The following ACOXL variants were observed in gnomAD, a reference collection of about 807,000 sequenced individuals.
ACOXL encodes the protein acyl-CoA oxidase like.
In ACOXL, 70 loss-of-function variants were observed where a neutral mutation model predicts 71.9. That is an observed-to-expected ratio of 0.97 (90% CI 0.80 to 1.19). The LOEUF (loss-of-function observed/expected upper bound fraction) is 1.19. ACOXL is among the 50% of genes most tolerant of loss of function. The pLI, the probability that ACOXL is intolerant of heterozygous loss-of-function variation, is 0.00. For synonymous variants in ACOXL, 253 were observed against 281.6 expected, an observed-to-expected ratio of 0.90 and a Z score of 1.02; for missense variants, 703 against 736.3, an observed-to-expected ratio of 0.95 and a Z score of 0.52.
chr2:110,957,543 C>T (rs1450156182), intron 12 of ACOXL, among the ~76,000 whole-genome samples: 2 of 152,302 alleles, frequency 1.3e-5, no homozygotes, highest in East Asian at 3.9e-4. Flanking sequence ...TTGGTCTCTT[C>T]TGAGGCTCTC....
chr2:111,075,995 A>G (rs2067582854), intron 16 of ACOXL, among the ~76,000 whole-genome samples: 1 of 152,082 alleles, frequency 6.6e-6, no homozygotes, highest in Non-Finnish European at 1.5e-5. Context: ...TACCCAGGAT[A>G]TGGTCTATCT....
chr2:110,886,590 G>T (rs1394052520), intron 10 of ACOXL, among the ~76,000 whole-genome samples: 2 of 151,916 alleles, frequency 1.3e-5, no homozygotes, highest in Non-Finnish European at 2.9e-5. Context: ...TGTTGGCCAG[G>T]CTGGTCTTGA....
At chr2:110,827,291 C>T (rs960172089) in intron 9 of ACOXL, among the ~76,000 whole-genome samples, 1 of 152,146 alleles carries the variant, frequency 6.6e-6, no homozygotes, top group Non-Finnish European at 1.5e-5. Context: ...CAGGGTGGGG[C>T]ATGGGCTCTC....
At chr2:110,735,315 T>C (rs900688969) in intron 1 of ACOXL, among the ~76,000 whole-genome samples, 12 of 152,354 alleles carry the variant, frequency 7.9e-5, no homozygotes, top group East Asian at 1.9e-4. Flanking sequence ...AACTTCCTCC[T>C]CTCTGAGGCA....
chr2:111,117,715 T>G lies in ACOXL; in HGVS notation c.1642T>G (p.Ser548Ala). The G allele has an allele frequency of 6.4e-7, 1 of 1,551,690 alleles. No individual in the cohort carries two copies. Among genetic ancestry groups the G allele is most frequent in the Non-Finnish European group, 8.7e-7 (1 of 1,147,004 alleles). The change falls in exon 18 of 18, where the codon TCC becomes GCC. Residue 548 changes from serine (S) to alanine (A), a missense_variant. Transcript: ENST00000439055. ...CCTCCACGCACCAATCGCCGGAATCTCCAACCCGCGGGCCGCGTGGGCTTT... is the reference window on the plus strand; with the variant it reads ...CCTCCACGCACCAATCGCCGGAATCGCCAACCCGCGGGCCGCGTGGGCTTT... ...TYLHAPIAGI[S>A]NPRAAWAFYP...
At chr2:110,809,196 G>A (rs974301433) in intron 9 of ACOXL, among the ~76,000 whole-genome samples, 5 of 152,210 alleles carry the variant, frequency 3.3e-5, no homozygotes, top group African/African-American at 1.2e-4. Context: ...CTTCCTCTCT[G>A]TCGCAGACAC....
intron 13 of ACOXL, among the ~76,000 whole-genome samples, chr2:110,995,598 A>G (rs1030095246): frequency 6.6e-6 from 1 of 151,690 alleles, no homozygotes; most frequent in African/African-American, 2.4e-5. Context: ...CTGTTAACTA[A>G]GAAAGACTAT....
At chr2:110,733,755 G>A (rs947590239) in intron 1 of ACOXL, among the ~76,000 whole-genome samples, 2 of 151,990 alleles carry the variant, frequency 1.3e-5, no homozygotes, top group Non-Finnish European at 2.9e-5. Context: ...GAGAAGTGTG[G>A]GATGGTGGGT....
chr2:111,045,775 T>C (rs999643459), intron 15 of ACOXL, among the ~76,000 whole-genome samples: 1 of 152,198 alleles, frequency 6.6e-6, no homozygotes, highest in African/African-American at 2.4e-5. Context: ...AGGTGCATGC[T>C]GCTTTTGTTG....
At chr2:111,021,763 C>T (rs2064771232) in intron 14 of ACOXL, among the ~76,000 whole-genome samples, 1 of 151,866 alleles carries the variant, frequency 6.6e-6, no homozygotes, top group Non-Finnish European at 1.5e-5. Flanking sequence ...GAAGTTGAGA[C>T]ACTTGAATTA....
At position 110,799,017 on chromosome 2, in the gene ACOXL, C is replaced by A. The variant is rs761569880; in HGVS notation, c.464C>A (p.Pro155His). ...ATGATCTCGATGCCTTCCTTAGGGC[C>A]CCACTGTTTCATCGTTCCTGTCCGG... Reference protein sequence around the residue: ...QLIIDGRSQGPHCFIVPVRDE... With the variant: ...QLIIDGRSQGHHCFIVPVRDE... The change falls in exon 7 of 18, where the codon CCC (proline) becomes CAC (histidine). Residue 155 changes from proline to histidine, a missense_variant. Coordinates refer to ENST00000439055, the MANE Select transcript of ACOXL (RefSeq NM_001142807.4). The A allele has an allele frequency of 6.2e-7, 1 of 1,613,848 alleles. No homozygotes were observed. Among genetic ancestry groups the A allele is most frequent in the South Asian group, 1.1e-5 (1 of 91,052 alleles).
chr2:111,001,427 T>C (rs2063625002), intron 14 of ACOXL, among the ~76,000 whole-genome samples: 1 of 124,946 alleles, frequency 8.0e-6, no homozygotes. Context: ...AAACCCTAGC[T>C]ATAAACAAGT....
chr2:111,061,142 CA>C (rs1355060146), intron 16 of ACOXL, among the ~76,000 whole-genome samples: 2 of 152,052 alleles, frequency 1.3e-5, no homozygotes, highest in African/African-American at 4.8e-5. Context: ...CCCAATTTGA[CA>C]AAACCCATAA....
intron 1 of ACOXL, among the ~76,000 whole-genome samples, chr2:110,748,804 C>T (rs1196157373): frequency 6.6e-6 from 1 of 152,150 alleles, no homozygotes; most frequent in Non-Finnish European, 1.5e-5. Context: ...GTTCTTCATG[C>T]CCACCTGTCA....
At chr2:110,934,949 G>C (rs1477430330) in intron 12 of ACOXL, among the ~76,000 whole-genome samples, 1 of 152,202 alleles carries the variant, frequency 6.6e-6, no homozygotes, top group Non-Finnish European at 1.5e-5. Flanking sequence ...TGGGGCAATG[G>C]CGCGATGTGA....
intron 9 of ACOXL, among the ~76,000 whole-genome samples, chr2:110,828,674 A>G (rs1293474287): frequency 1.3e-5 from 2 of 152,232 alleles, no homozygotes; most frequent in African/African-American, 4.8e-5. Flanking sequence ...GTAATCCCCA[A>G]GTTAGACCTG....
intron 1 of ACOXL, among the ~76,000 whole-genome samples, chr2:110,739,564 G>C (rs930232818): frequency 1.3e-5 from 2 of 152,260 alleles, no homozygotes; most frequent in South Asian, 4.1e-4. Flanking sequence ...GCATTGGTAA[G>C]TGGTGGCTCT....
intron 17 of ACOXL, among the ~76,000 whole-genome samples, chr2:111,103,172 G>C (rs1406010845): frequency 6.6e-6 from 1 of 152,124 alleles, no homozygotes; most frequent in Non-Finnish European, 1.5e-5. Flanking sequence ...GCATGCGCCT[G>C]TAATCCCAGT....
chr2:110,945,362 CTTT>C (rs35191683), intron 12 of ACOXL, among the ~76,000 whole-genome samples: 4 of 133,262 alleles, frequency 3.0e-5, no homozygotes, highest in Admixed American at 7.5e-5. Flanking sequence ...CATTTGTCAA[CTTT>C]TTTTTTTTTT....
Sources: allele counts gnomAD v4.1 joint callset (sites outside exome capture counted in the v4.1 genomes callset), GRCh38; gene constraint gnomAD v4.1.1; transcripts MANE v1.5; gene names NCBI Gene and HGNC (gene_info 2026-07-23, HGNC 2026-07-21).